Variants in KCND2 observed in about 807,000 individuals in gnomAD.
KCND2 encodes the protein potassium voltage-gated channel subfamily D member 2.
Under a neutral mutation model 54.4 loss-of-function variants are expected in KCND2, and 16 were observed. That is an observed-to-expected ratio of 0.29 (90% CI 0.20 to 0.45). The LOEUF (loss-of-function observed/expected upper bound fraction) is 0.45. Among genes scored for constraint, KCND2 ranks in the 20% least tolerant of loss-of-function variants. The pLI is 1.00. For missense variants in KCND2, 486 were observed against 824.2 expected (o/e 0.59, Z 5.02); for synonymous variants, 317 against 310.7 (o/e 1.02, Z -0.21).
intron 1 of KCND2, among the ~76,000 whole-genome samples, chr7:120,610,006 A>C (rs1792932890): frequency 6.6e-6 from 1 of 152,162 alleles, no homozygotes; most frequent in African/African-American, 2.4e-5. Context: ...TAATTTGGAA[A>C]GAGTATAGTA....
At chr7:120,634,499 G>A (rs558185327) in intron 1 of KCND2, among the ~76,000 whole-genome samples, 6 of 151,902 alleles carry the variant, frequency 3.9e-5, no homozygotes, top group African/African-American at 1.2e-4. Context: ...ATACTCAATC[G>A]AGAACCCTGG....
intron 1 of KCND2, among the ~76,000 whole-genome samples, chr7:120,350,337 T>TA (rs1800383895): frequency 1.3e-5 from 2 of 152,158 alleles, no homozygotes; most frequent in Non-Finnish European, 2.9e-5. Flanking sequence ...AAGGTTTTCA[T>TA]AACAGCATTA....
At chr7:120,477,641 GA>G (rs11350375) in intron 1 of KCND2, among the ~76,000 whole-genome samples, 4,532 of 151,602 alleles carry the variant, frequency 0.03, 96 homozygotes, top group Non-Finnish European at 0.046. Context: ...TTAATTGGAT[GA>G]AAAAAAAGAA....
At chr7:120,718,468 A>C (rs1792629661) in intron 1 of KCND2, among the ~76,000 whole-genome samples, 1 of 152,176 alleles carries the variant, frequency 6.6e-6, no homozygotes, top group Admixed American at 6.6e-5. Flanking sequence ...ATCAAATTTC[A>C]GTGTCCCTCC....
At chr7:120,509,295 T>A (rs1803077288) in intron 1 of KCND2, among the ~76,000 whole-genome samples, 1 of 151,958 alleles carries the variant, frequency 6.6e-6, no homozygotes, top group African/African-American at 2.4e-5. Flanking sequence ...TAATAGTCTA[T>A]CACTATTGCT....
At chr7:120,564,359 T>A (rs972689369) in intron 1 of KCND2, among the ~76,000 whole-genome samples, 9 of 152,118 alleles carry the variant, frequency 5.9e-5, no homozygotes, top group Admixed American at 2.6e-4. Flanking sequence ...TGACAGTCCA[T>A]CAGTCAAAGA....
At chr7:120,693,432 A>AT (rs1792296531) in intron 1 of KCND2, among the ~76,000 whole-genome samples, 1 of 152,120 alleles carries the variant, frequency 6.6e-6, no homozygotes, top group Non-Finnish European at 1.5e-5. Context: ...GCACTGATTT[A>AT]TTTTTAGTGC....
At chr7:120,678,756 A>G (rs1474682100) in intron 1 of KCND2, among the ~76,000 whole-genome samples, 2 of 122,048 alleles carry the variant, frequency 1.6e-5, no homozygotes, top group African/African-American at 7.8e-5. Flanking sequence ...ATATATATAT[A>G]TATATATATA....
intron 1 of KCND2, among the ~76,000 whole-genome samples, chr7:120,703,056 T>C (rs1353294051): frequency 1.3e-5 from 2 of 152,184 alleles, no homozygotes; most frequent in Non-Finnish European, 2.9e-5. Context: ...TAGCCTTAAA[T>C]GTGGAAGGTG....
intron 1 of KCND2, among the ~76,000 whole-genome samples, chr7:120,445,283 GT>G (rs1802004173): frequency 6.6e-6 from 1 of 152,134 alleles, no homozygotes; most frequent in Admixed American, 6.5e-5. Flanking sequence ...AAAAGCCATT[GT>G]TGAAAAACAG....
intron 1 of KCND2, among the ~76,000 whole-genome samples, chr7:120,429,146 C>G: frequency 6.6e-6 from 1 of 152,096 alleles, no homozygotes; most frequent in East Asian, 1.9e-4. Flanking sequence ...TAGGGGGTCC[C>G]TAGGACATTT....
intron 2 of KCND2, among the ~76,000 whole-genome samples, chr7:120,740,337 T>A (rs1562925103): frequency 6.6e-6 from 1 of 152,080 alleles, no homozygotes; most frequent in African/African-American, 2.4e-5. Context: ...TAGATAATTT[T>A]AAAATTTTTA....
intron 1 of KCND2, among the ~76,000 whole-genome samples, chr7:120,689,926 A>C (rs958467593): frequency 6.6e-6 from 1 of 152,176 alleles, no homozygotes. Context: ...ACACTTACAG[A>C]GTATTTGCTA....
intron 1 of KCND2, among the ~76,000 whole-genome samples, chr7:120,664,094 G>A (rs1015610452): frequency 3.3e-5 from 5 of 152,086 alleles, no homozygotes; most frequent in Non-Finnish European, 7.4e-5. Flanking sequence ...ATGCGTGCGC[G>A]TGTGCACAGA....
chr7:120,317,584 A>G (rs1167338036), intron 1 of KCND2, among the ~76,000 whole-genome samples: 1 of 152,210 alleles, frequency 6.6e-6, no homozygotes, highest in Non-Finnish European at 1.5e-5. Flanking sequence ...AATATACCTT[A>G]TTAGTTACTA....
chr7:120,746,061 T>C, intron 5 of KCND2, 34 bp downstream of exon 5: 1 of 1,607,562 alleles, frequency 6.2e-7, no homozygotes, highest in East Asian at 2.2e-5. Flanking sequence ...TCTACACACC[T>C]GTGCTGGTTC....
At chr7:120,356,667 A>C (rs1220744430) in intron 1 of KCND2, among the ~76,000 whole-genome samples, 1 of 152,204 alleles carries the variant, frequency 6.6e-6, no homozygotes, top group African/African-American at 2.4e-5. Flanking sequence ...AAATGGGAGC[A>C]TGAAAACAAC....
intron 1 of KCND2, among the ~76,000 whole-genome samples, chr7:120,413,576 C>T (rs929331942): frequency 1.1e-4 from 16 of 151,898 alleles, no homozygotes; most frequent in Non-Finnish European, 2.1e-4. Context: ...CAGAATAACA[C>T]ATGTGAACAA....
intron 1 of KCND2, among the ~76,000 whole-genome samples, chr7:120,648,098 C>T (rs1004558277): frequency 2.6e-5 from 4 of 152,018 alleles, no homozygotes; most frequent in African/African-American, 9.7e-5. Context: ...TTCTGTCCTC[C>T]TAAAAATAGG....
Sources: gnomAD v4.1 joint callset for allele counts (sites outside exome capture counted in the v4.1 genomes callset) on GRCh38, gnomAD v4.1.1 for gene constraint, MANE v1.5 for transcripts, NCBI Gene and HGNC (gene_info 2026-07-23, HGNC 2026-07-21) for gene names.